Variants in ELP1 observed in about 807,000 individuals in gnomAD.
ELP1 encodes elongator complex protein 1.
ELP1 carries 131 observed loss-of-function variants against 183.2 expected under a neutral mutation model. That is an observed-to-expected ratio of 0.72 (90% CI 0.62 to 0.83). The LOEUF is 0.83. Among genes scored for constraint, ELP1 ranks in the 40% least tolerant of loss-of-function variants. ELP1 has a pLI of 0.00. For missense variants in ELP1, 1,550 were observed against 1,594.9 expected (o/e 0.97, Z 0.48); for synonymous variants, 555 against 569.0 (o/e 0.98, Z 0.35).
intron 30 of ELP1, 88 bp downstream of exon 30, chr9:108,882,037 G>A: frequency 9.2e-7 from 1 of 1,088,586 alleles, no homozygotes; most frequent in Non-Finnish European, 1.4e-6. Flanking sequence ...ATGAACCTCA[G>A]AAGACAAGAG....
chr9:108,902,863 G>A lies in ELP1; in HGVS notation c.1830C>T (p.Thr610=), dbSNP rs113048987. Residue 610 remains threonine (T), a synonymous_variant, in exon 16 of 37, where the codon ACC becomes ACT. Coordinates refer to ENST00000374647, the MANE Select transcript of ELP1 (RefSeq NM_003640.5). ...CCTCTTCTCCAATCATGGCCAATTC[G>A]GTCTGGGTGCATGGATAAGGAAACC... is the stretch of plus-strand genomic sequence containing the variant. ...PVRFPYPCTQ[T]ELAMIGEEEC... 3.2e-5 allele frequency: 51 copies of A among 1,613,484 alleles called. No individual in the cohort carries two copies. The African/African-American group carries it at 4.9e-4, about 16-fold the overall frequency.
intron 15 of ELP1, among the ~76,000 whole-genome samples, 187 bp downstream of exon 15, chr9:108,903,376 G>A (rs1003397962): frequency 1.3e-5 from 2 of 152,074 alleles, no homozygotes; most frequent in African/African-American, 2.4e-5. Context: ...TTAAGAGTAC[G>A]TTAGTTCATT....
intron 22 of ELP1, 149 bp from the exon 23 acceptor site, chr9:108,897,434 G>A: frequency 1.2e-6 from 1 of 852,602 alleles, no homozygotes; most frequent in East Asian, 2.6e-5. Context: ...AATAAAACAT[G>A]TCCACAAAAG....
intron 8 of ELP1, among the ~76,000 whole-genome samples, chr9:108,918,078 C>CG (rs1244537818): frequency 1.3e-5 from 2 of 152,130 alleles, no homozygotes; most frequent in African/African-American, 4.8e-5. Context: ...TTTTTTAAGA[C>CG]TTCACCAAAT....
At chr9:108,872,841 T>C (rs988907711) in intron 36 of ELP1, among the ~76,000 whole-genome samples, 21 of 105,310 alleles carry the variant, frequency 2.0e-4, no homozygotes, top group African/African-American at 8.3e-4. Context: ...AAAAAAAAAC[T>C]AGTTACAAAA....
chr9:108,869,047 G>C lies in ELP1; in HGVS notation c.*68C>G, dbSNP rs1827337988. The C allele has an allele frequency of 2.2e-6, 3 of 1,363,316 alleles. 1 individual carries two copies. The South Asian group carries it at 3.5e-5, about 16-fold the overall frequency. 84.5% of individuals were successfully genotyped at this position (1,363,316 alleles called of 1,614,324 possible). The stretch of plus-strand genomic sequence containing the variant: ...TCAATAGCCAGCCCTCAAAGAGCAA[G>C]GGGTGGTAGGACAACAGGAATGAGT... On this transcript the variant is annotated 3_prime_UTR_variant, in exon 37 of 37. Transcript: ENST00000374647.
intron 3 of ELP1, 109 bp from the exon 4 acceptor site, chr9:108,927,562 A>G (rs1829859917): frequency 1.2e-6 from 1 of 845,704 alleles, no homozygotes; most frequent in Non-Finnish European, 2.0e-6. Flanking sequence ...AGACATCAGT[A>G]TATGGAAGAG....
intron 35 of ELP1, among the ~76,000 whole-genome samples, chr9:108,877,465 C>T (rs1827744371): frequency 6.6e-6 from 1 of 152,032 alleles, no homozygotes; most frequent in East Asian, 1.9e-4. Flanking sequence ...AGAGAGTGAA[C>T]AGAGGTATAA....
rs1345005623 is a variant in ELP1, at chr9:108,867,817, T to G, written c.*1298A>C. 6.6e-6 allele frequency: 1 copy of G among 152,250 alleles called. No individual in the cohort carries two copies. Among genetic ancestry groups the G allele is most frequent in the Non-Finnish European group, 1.5e-5 (1 of 68,040 alleles). 9.4% of individuals were successfully genotyped at this position (152,250 alleles called of 1,614,324 possible). On this transcript the variant is annotated 3_prime_UTR_variant, in exon 37 of 37. Transcript: ENST00000374647. ...AAAAGTTGAATTTTACAGTGAATAC[T>G]CCTAGATTGATTCTATAGTTAACAT...
chr9:108,872,521 C>T (rs757566663), intron 36 of ELP1, among the ~76,000 whole-genome samples: 2 of 152,140 alleles, frequency 1.3e-5, no homozygotes, highest in Non-Finnish European at 2.9e-5. Flanking sequence ...AAACTAGTTA[C>T]AGGCCGGGCG....
In ELP1 at chr9:108,931,103, A is replaced by C; in HGVS notation, c.44T>G (p.Ile15Ser). 1.9e-6 allele frequency: 3 copies of C among 1,614,162 alleles called. No homozygotes were observed. The highest frequency in any genetic ancestry group is 2.5e-6 in the Non-Finnish European group (3 of 1,179,990). The stretch of plus-strand genomic sequence containing the variant: ...GCACTGAGGATTCCCTGGACCTTGA[A>C]TATCCCTGAACTCCAGGGTCCGAAA... ...KLFRTLEFRD[I>S]QGPGNPQCFS... The change falls in exon 2 of 37, where the codon ATT becomes AGT. Residue 15 changes from isoleucine (I) to serine (S), a missense_variant. By Grantham distance (142) the Ile-to-Ser change is moderately radical. Coordinates refer to ENST00000374647, the MANE Select transcript of ELP1 (RefSeq NM_003640.5).
chr9:108,912,941 T>C (rs1015905235), intron 10 of ELP1, among the ~76,000 whole-genome samples: 1 of 151,756 alleles, frequency 6.6e-6, no homozygotes, highest in Non-Finnish European at 1.5e-5. Flanking sequence ...TTTGTATTTT[T>C]AGTAGAAACA....
chr9:108,897,176 C>T lies in ELP1; in HGVS notation c.2473G>A (p.Ala825Thr), dbSNP rs1828587742. 6.2e-7 allele frequency: 1 copy of T among 1,614,166 alleles called. No individual in the cohort carries two copies. The highest frequency in any genetic ancestry group is 1.1e-5 in the South Asian group (1 of 91,072). ...KIDLVCDAMR[A>T]VMESINPHKY... Reference sequence around the variant, plus strand: ...TGAGGATTTATGCTCTCCATGACTGCTCTCATAGCATCGCAGACAAGGTCT... The same window carrying T: ...TGAGGATTTATGCTCTCCATGACTGTTCTCATAGCATCGCAGACAAGGTCT... Residue 825 changes from alanine (A) to threonine (T), a missense_variant, in exon 23 of 37, where the codon GCA (alanine) becomes ACA (threonine). Coordinates refer to ENST00000374647, the MANE Select transcript of ELP1 (RefSeq NM_003640.5).
In ELP1 at chr9:108,901,512, A is replaced by G; in HGVS notation, c.1927T>C (p.Ser643Pro). The G allele has an allele frequency of 6.2e-7, 1 of 1,614,036 alleles. No individual in the cohort carries two copies. Among genetic ancestry groups the G allele is most frequent in the Non-Finnish European group, 8.5e-7 (1 of 1,179,860 alleles). The change falls in exon 18 of 37, where the codon TCA becomes CCA. Residue 643 changes from serine (S) to proline (P), a missense_variant. Physicochemically the swap from Ser to Pro is moderately conservative, Grantham distance 74. Transcript: ENST00000374647. ...AAAAACTCATCATATACTGCAAATGACGTGATATTTGACGCAACCTGCAAG... is the reference window on the plus strand; with the variant it reads ...AAAAACTCATCATATACTGCAAATGGCGTGATATTTGACGCAACCTGCAAG... The part of the protein sequence containing the change: ...NDIEVASNIT[S>P]FAVYDEFLLL...
intron 6 of ELP1, 34 bp from the exon 7 acceptor site, chr9:108,919,383 G>A: frequency 2.2e-6 from 3 of 1,394,456 alleles, no homozygotes; most frequent in Non-Finnish European, 3.1e-6. Context: ...TATTACTGGG[G>A]GACCTTAAGT....
At chr9:108,878,304 T>TA (rs1827778628) in intron 34 of ELP1, among the ~76,000 whole-genome samples, 155 bp from the exon 35 acceptor site, 1 of 152,144 alleles carries the variant, frequency 6.6e-6, no homozygotes, top group African/African-American at 2.4e-5. Context: ...CTGGAATAAT[T>TA]AAACACATGT....
intron 18 of ELP1, among the ~76,000 whole-genome samples, chr9:108,900,934 A>G (rs1828776978): frequency 3.0e-5 from 4 of 132,780 alleles, no homozygotes; most frequent in Non-Finnish European, 6.4e-5. Context: ...CGCCACACAC[A>G]CATACACGCC....
At chr9:108,873,906 T>C in intron 36 of ELP1, among the ~76,000 whole-genome samples, 1 of 148,744 alleles carries the variant, frequency 6.7e-6, no homozygotes, top group Non-Finnish European at 1.5e-5. Flanking sequence ...TAAGTGGATA[T>C]GTCGAAACTG....
Position 108,925,380 on chromosome 9 carries a change from C to T in ELP1, c.466+1143G>A, listed in dbSNP as rs1209603738. On this transcript the variant is annotated intron_variant, in intron 5 of 36. Coordinates refer to ENST00000374647, the MANE Select transcript of ELP1 (RefSeq NM_003640.5). ...TACTCACAGTTCCCTGAGTAACCCACAATGTTTCTATGAAATAACCCTCCC... is the reference window on the plus strand; with the variant it reads ...TACTCACAGTTCCCTGAGTAACCCATAATGTTTCTATGAAATAACCCTCCC... 4.6e-5 allele frequency among the ~76,000 whole-genome samples: 7 copies of T among 152,320 alleles called. No individual in the cohort carries two copies. In the South Asian group the frequency reaches 1.5e-3, roughly 32 times the overall value.
Sources: allele counts gnomAD v4.1 joint callset (sites outside exome capture counted in the v4.1 genomes callset), GRCh38; gene constraint gnomAD v4.1.1; transcripts MANE v1.5; gene names NCBI Gene and HGNC (gene_info 2026-07-23, HGNC 2026-07-21).